Variants in CNTNAP5 observed in about 807,000 individuals in gnomAD.
The protein encoded by CNTNAP5 is contactin-associated protein-like 5.
In CNTNAP5, 72 loss-of-function variants were observed where a neutral mutation model predicts 150.2. That is an observed-to-expected ratio of 0.48 (90% confidence interval 0.40 to 0.58). CNTNAP5 has a LOEUF of 0.58. CNTNAP5 is among the 20% of genes least tolerant of loss of function. The probability of loss-of-function intolerance (pLI) is 0.00; values close to 1 mark genes in which losing one functional copy is unlikely to be tolerated. For missense variants in CNTNAP5, 1,636 were observed against 1,626.2 expected (o/e 1.01, Z -0.10); for synonymous variants, 672 against 619.8 (o/e 1.08, Z -1.25).
chr2:124,162,974 C>G (rs1354842817), intron 1 of CNTNAP5, among the ~76,000 whole-genome samples: 1 of 151,016 alleles, frequency 6.6e-6, no homozygotes, highest in Non-Finnish European at 1.5e-5. Context: ...AAAGTCATCC[C>G]TTGAAGTTGA....
chr2:124,660,478 G>A (rs895109979), intron 13 of CNTNAP5, among the ~76,000 whole-genome samples: 2 of 152,004 alleles, frequency 1.3e-5, no homozygotes, highest in Admixed American at 1.3e-4. Context: ...TTTTCTAATA[G>A]CCCCATGTTA....
At chr2:124,790,204 G>T (rs993741461) in intron 18 of CNTNAP5, 63 bp downstream of exon 18, 10 of 1,484,812 alleles carry the variant, frequency 6.7e-6, no homozygotes, top group Non-Finnish European at 9.0e-6. Flanking sequence ...CTATGGTCAG[G>T]CCATGTGATA....
intron 7 of CNTNAP5, among the ~76,000 whole-genome samples, chr2:124,486,631 C>G (rs1693886545): frequency 6.6e-6 from 1 of 152,144 alleles, no homozygotes; most frequent in Admixed American, 6.5e-5. Context: ...AGGAGACATA[C>G]ACATATTCAC....
intron 17 of CNTNAP5, among the ~76,000 whole-genome samples, chr2:124,778,146 C>A (rs1681368408): frequency 6.6e-6 from 1 of 152,132 alleles, no homozygotes; most frequent in Non-Finnish European, 1.5e-5. Flanking sequence ...TCAGGCTGCC[C>A]TGGAGCTAAT....
chr2:124,908,757 G>A (rs1678592417), intron 22 of CNTNAP5, among the ~76,000 whole-genome samples: 1 of 152,130 alleles, frequency 6.6e-6, no homozygotes, highest in Non-Finnish European at 1.5e-5. Flanking sequence ...TGAGGAGGTG[G>A]AAGACAATGA....
At chr2:124,541,196 TGG>T (rs1695376191) in intron 10 of CNTNAP5, among the ~76,000 whole-genome samples, 80 of 148,660 alleles carry the variant, frequency 5.4e-4, no homozygotes, top group Middle Eastern at 3.5e-3. Context: ...TTTTTTTTTT[TGG>T]TGAGAAGAAA....
chr2:124,080,771 G>A (rs1682542818), intron 1 of CNTNAP5, among the ~76,000 whole-genome samples: 2 of 152,258 alleles, frequency 1.3e-5, no homozygotes, highest in South Asian at 4.1e-4. Context: ...TATTTTTAGT[G>A]TATCTATCTG....
chr2:124,384,172 TA>T (rs768999226), intron 3 of CNTNAP5, among the ~76,000 whole-genome samples: 2 of 152,154 alleles, frequency 1.3e-5, no homozygotes, highest in Non-Finnish European at 2.9e-5. Flanking sequence ...CTTTGAAAGT[TA>T]AAGAGGTCTC....
chr2:124,751,282 C>T (rs1343227346), intron 14 of CNTNAP5, among the ~76,000 whole-genome samples: 1 of 152,094 alleles, frequency 6.6e-6, no homozygotes, highest in Non-Finnish European at 1.5e-5. Context: ...AATCACCGGC[C>T]TCTTAAACCA....
intron 3 of CNTNAP5, among the ~76,000 whole-genome samples, chr2:124,297,973 T>C (rs1351648013): frequency 1.3e-5 from 2 of 151,882 alleles, no homozygotes; most frequent in African/African-American, 4.8e-5. Context: ...GCCTCCTGAG[T>C]AGCTGAGATT....
chr2:124,277,191 C>G (rs748236545), intron 3 of CNTNAP5, among the ~76,000 whole-genome samples: 2 of 152,162 alleles, frequency 1.3e-5, no homozygotes, highest in Non-Finnish European at 2.9e-5. Context: ...TATACTTTGA[C>G]CTGGGGTTTG....
intron 12 of CNTNAP5, among the ~76,000 whole-genome samples, chr2:124,641,002 T>C (rs1678079882): frequency 6.6e-6 from 1 of 151,930 alleles, no homozygotes; most frequent in East Asian, 1.9e-4. Flanking sequence ...GGCGCATGAC[T>C]GTAATCCCAG....
intron 1 of CNTNAP5, among the ~76,000 whole-genome samples, chr2:124,128,557 C>G (rs1025236637): frequency 6.6e-6 from 1 of 152,192 alleles, no homozygotes; most frequent in African/African-American, 2.4e-5. Context: ...CATCCCATTA[C>G]TGGGTATATA....
chr2:124,678,653 A>G (rs1423208196), intron 13 of CNTNAP5, among the ~76,000 whole-genome samples: 1 of 151,798 alleles, frequency 6.6e-6, no homozygotes, highest in African/African-American at 2.4e-5. Flanking sequence ...ACTACAGCAA[A>G]TGGAACCCCC....
Position 124,738,604 on chromosome 2 carries a change from G to A in CNTNAP5, c.2078-8625G>A, listed in dbSNP as rs542551160. On this transcript the variant is annotated intron_variant, in intron 13 of 23. Transcript: ENST00000682447. The stretch of plus-strand genomic sequence containing the variant: ...AAATTAGCCGGGTGTGGCGGCACAC[G>A]CCTGTAGTCCCAGCTACTCTAGAGG... 1.6e-4 allele frequency among the ~76,000 whole-genome samples: 24 copies of A among 152,124 alleles called. No homozygotes were observed. The East Asian group carries it at 3.3e-3, about 21-fold the overall frequency.
intron 19 of CNTNAP5, among the ~76,000 whole-genome samples, chr2:124,837,636 T>C (rs1306418664): frequency 6.6e-6 from 1 of 152,108 alleles, no homozygotes; most frequent in Non-Finnish European, 1.5e-5. Flanking sequence ...GCAATTAAAT[T>C]ATCATCGAGC....
intron 19 of CNTNAP5, among the ~76,000 whole-genome samples, chr2:124,842,060 A>G (rs1242825165): frequency 5.3e-5 from 8 of 152,176 alleles, no homozygotes; most frequent in African/African-American, 1.9e-4. Context: ...AAGCAATTGG[A>G]TCATAAAAAG....
intron 7 of CNTNAP5, among the ~76,000 whole-genome samples, chr2:124,499,415 A>AGACCTTGCTGG (rs1266422310): frequency 6.6e-6 from 1 of 152,244 alleles, no homozygotes; most frequent in Non-Finnish European, 1.5e-5. Context: ...GGCATGGGCA[A>AGACCTTGCTGG]GCCCAGAAGG....
intron 12 of CNTNAP5, among the ~76,000 whole-genome samples, chr2:124,638,559 A>G (rs1678021311): frequency 1.3e-5 from 2 of 152,134 alleles, no homozygotes; most frequent in African/African-American, 4.8e-5. Flanking sequence ...CCTTTTCTTT[A>G]TCCTTTTGAT....
Sources: gnomAD v4.1 joint callset for allele counts (sites outside exome capture counted in the v4.1 genomes callset) on GRCh38, gnomAD v4.1.1 for gene constraint, MANE v1.5 for transcripts, NCBI Gene and HGNC (gene_info 2026-07-23, HGNC 2026-07-21) for gene names.